Variants in PLEKHD1 observed in about 807,000 individuals in gnomAD.
The protein encoded by PLEKHD1 is pleckstrin homology and coiled-coil domain containing D1.
A neutral mutation model predicts 69.2 loss-of-function variants in PLEKHD1; 51 were observed. That is an observed-to-expected ratio of 0.74 (90% CI 0.59 to 0.93). The LOEUF is 0.93. Among genes scored for constraint, PLEKHD1 ranks in the 40% least tolerant of loss-of-function variants. PLEKHD1 has a pLI of 0.00. For synonymous variants in PLEKHD1, 236 were observed against 244.7 expected, an observed-to-expected ratio of 0.96 and a Z score of 0.33; for missense variants, 584 against 641.0, an observed-to-expected ratio of 0.91 and a Z score of 0.96.
At chr14:69,491,820 T>C (rs972001708) in intron 1 of PLEKHD1, among the ~76,000 whole-genome samples, 1 of 152,210 alleles carries the variant, frequency 6.6e-6, no homozygotes, top group Non-Finnish European at 1.5e-5. Flanking sequence ...CCCTAATTCA[T>C]ATTGGATGGC....
intron 1 of PLEKHD1, among the ~76,000 whole-genome samples, chr14:69,497,092 A>C (rs965464982): frequency 6.6e-6 from 1 of 152,178 alleles, no homozygotes; most frequent in Non-Finnish European, 1.5e-5. Flanking sequence ...GACTGTATTC[A>C]GACCATGGAA....
chr14:69,521,169 G>A (rs956756527), intron 6 of PLEKHD1, among the ~76,000 whole-genome samples: 2 of 152,280 alleles, frequency 1.3e-5, no homozygotes, highest in African/African-American at 4.8e-5. Flanking sequence ...ATACCAGTGA[G>A]CAGTGAGCAG....
At chr14:69,483,867 G>A (rs1882592521), upstream of PLEKHD1, among the ~76,000 whole-genome samples, 1 of 152,202 alleles carries the variant, frequency 6.6e-6, no homozygotes, top group African/African-American at 2.4e-5. Flanking sequence ...CGGTCCCCTG[G>A]GGCCCGGCCG....
At chr14:69,491,661 A>C (rs533919715) in intron 1 of PLEKHD1, among the ~76,000 whole-genome samples, 1 of 152,180 alleles carries the variant, frequency 6.6e-6, no homozygotes, top group Non-Finnish European at 1.5e-5. Flanking sequence ...CTGTGGTTCT[A>C]GATAACATTT....
At chr14:69,479,279 A>G in the PLEKHD1 span, among the ~76,000 whole-genome samples, 4 of 152,200 alleles carry the variant, frequency 2.6e-5, no homozygotes, top group Non-Finnish European at 5.9e-5. Flanking sequence ...GGAATTCAAT[A>G]TAATATTTGG....
upstream of PLEKHD1, among the ~76,000 whole-genome samples, chr14:69,483,873 G>A (rs1207322579): frequency 6.6e-6 from 1 of 152,236 alleles, no homozygotes; most frequent in Non-Finnish European, 1.5e-5. Flanking sequence ...CCTGGGGCCC[G>A]GCCGGCATCT....
At position 69,525,869 on chromosome 14, in the gene PLEKHD1, G is replaced by A. The variant is rs563299765; in HGVS notation, c.745-75G>A. On this transcript the variant is annotated intron_variant, in intron 8 of 12. Transcript: ENST00000322564. ...AGAGGAGTGGGTCACTCCCCCAAACGGAAAAGCAGGTGAGGGCAGCCACGA... is the reference window on the plus strand; with the variant it reads ...AGAGGAGTGGGTCACTCCCCCAAACAGAAAAGCAGGTGAGGGCAGCCACGA... The A allele has an allele frequency of 1.5e-4, 205 of 1,399,904 alleles. 2 individuals carry two copies. In the South Asian group the frequency reaches 2.3e-3, roughly 16 times the overall value. 86.7% of individuals were successfully genotyped at this position (1,399,904 alleles called of 1,614,324 possible).
At chr14:69,476,396 C>CAA in the PLEKHD1 span, among the ~76,000 whole-genome samples, 1 of 136,518 alleles carries the variant, frequency 7.3e-6, no homozygotes. Flanking sequence ...GGCCCTATTT[C>CAA]AAAAAAAAAA....
intron 6 of PLEKHD1, among the ~76,000 whole-genome samples, chr14:69,520,179 A>G (rs949358861): frequency 2.0e-5 from 3 of 148,754 alleles, no homozygotes; most frequent in Non-Finnish European, 3.0e-5. Flanking sequence ...AAAAAAAAAA[A>G]AAAAAAAAAA....
intron 6 of PLEKHD1, among the ~76,000 whole-genome samples, chr14:69,511,488 T>A (rs1425613722): frequency 1.3e-5 from 2 of 152,138 alleles, no homozygotes; most frequent in Non-Finnish European, 2.9e-5. Flanking sequence ...TAATATTTTG[T>A]TGAAAATTTT....
chr14:69,490,295 G>A (rs1882749404), intron 1 of PLEKHD1, among the ~76,000 whole-genome samples: 1 of 152,220 alleles, frequency 6.6e-6, no homozygotes, highest in South Asian at 2.1e-4. Flanking sequence ...CATAATGACT[G>A]TGCAACCTAG....
At chr14:69,487,608 G>A (rs1035265644) in intron 1 of PLEKHD1, among the ~76,000 whole-genome samples, 5 of 152,342 alleles carry the variant, frequency 3.3e-5, no homozygotes, top group South Asian at 2.1e-4. Flanking sequence ...AGCTTCCACC[G>A]CCCAAGCAGC....
At chr14:69,525,892 C>A in intron 8 of PLEKHD1, 52 bp from the exon 9 acceptor site, 2 of 1,510,990 alleles carry the variant, frequency 1.3e-6, no homozygotes, top group South Asian at 1.3e-5. Context: ...AGGGCAGCCA[C>A]GATGGAGAAC....
chr14:69,476,941 C>T, the PLEKHD1 span, among the ~76,000 whole-genome samples: 7 of 152,204 alleles, frequency 4.6e-5, no homozygotes, highest in Non-Finnish European at 8.8e-5. Flanking sequence ...AAAGGCATGT[C>T]TCATATGGCA....
In PLEKHD1 at chr14:69,528,520, G is replaced by A; in HGVS notation, c.*101G>A. On this transcript the variant is annotated 3_prime_UTR_variant, in exon 13 of 13. Coordinates refer to ENST00000322564, the MANE Select transcript of PLEKHD1 (RefSeq NM_001161498.2). Reference sequence around the variant, plus strand: ...ACTCTACCAGCTCCTGGCCTCTCTGGTCTGGAGCCTATGTCTCCTCTGGGC... The same window carrying A: ...ACTCTACCAGCTCCTGGCCTCTCTGATCTGGAGCCTATGTCTCCTCTGGGC... 1 of 1,407,406 alleles carries A rather than the reference G, an allele frequency of 7.1e-7. No homozygotes were observed. Among genetic ancestry groups the A allele is most frequent in the Non-Finnish European group, 9.4e-7 (1 of 1,060,066 alleles). The allele number at this position is 1,407,406 out of a possible 1,614,324, so 87.2% of individuals were successfully genotyped here.
chr14:69,480,480 G>C (rs1414034770), upstream of PLEKHD1, among the ~76,000 whole-genome samples: 4 of 152,212 alleles, frequency 2.6e-5, no homozygotes, highest in Non-Finnish European at 5.9e-5. Flanking sequence ...AGGGAGCTGA[G>C]GAGTTGGCAC....
At chr14:69,483,822 G>A (rs963977512), upstream of PLEKHD1, among the ~76,000 whole-genome samples, 1 of 152,202 alleles carries the variant, frequency 6.6e-6, no homozygotes, top group African/African-American at 2.4e-5. Flanking sequence ...GCAGGCAGCT[G>A]TGCCAGCCTA....
rs1566557052 is a variant in PLEKHD1 at position 69,498,066 on chromosome 14, ATTTTAT to A, written c.150-2045_150-2040del. Among the ~76,000 whole-genome samples, 1,053 of 133,772 alleles carry A rather than the reference ATTTTAT, an allele frequency of 7.9e-3. 10 individuals are homozygous for A. Among genetic ancestry groups the A allele is most frequent in the Non-Finnish European group, 0.01 (666 of 65,108 alleles). 87.8% of individuals were successfully genotyped at this position (133,772 alleles called of 152,430 possible). ...TATTTTATTTTATTTTATTTATTTT[ATTTTAT>A]TTTATTTTATTTTATTTTATTTTAT... On this transcript the variant is annotated intron_variant, in intron 1 of 12. Transcript: ENST00000322564.
the PLEKHD1 span, among the ~76,000 whole-genome samples, chr14:69,472,148 C>T: frequency 2.0e-5 from 3 of 152,178 alleles, no homozygotes; most frequent in Admixed American, 6.5e-5. Context: ...CACTCGGTCA[C>T]TCACCCACAA....
Sources: allele counts gnomAD v4.1 joint callset (sites outside exome capture counted in the v4.1 genomes callset), GRCh38; gene constraint gnomAD v4.1.1; transcripts MANE v1.5; gene names NCBI Gene and HGNC (gene_info 2026-07-23, HGNC 2026-07-21).